SNX29: variants seen among roughly 807,000 people sequenced by gnomAD.
The protein encoded by SNX29 is sorting nexin-29.
SNX29 carries 78 observed loss-of-function variants against 102.1 expected under a neutral mutation model. That is an observed-to-expected ratio of 0.76 (90% CI 0.64 to 0.92). The LOEUF is 0.92. Among genes scored for constraint, SNX29 ranks in the 40% least tolerant of loss-of-function variants. The pLI is 0.00. For missense variants in SNX29, 1,280 were observed against 1,061.7 expected, an observed-to-expected ratio of 1.21 and a Z score of -2.86; for synonymous variants, 580 against 414.5, an observed-to-expected ratio of 1.40 and a Z score of -4.85.
intron 11 of SNX29, among the ~76,000 whole-genome samples, chr16:12,080,518 C>T (rs2051812006): frequency 1.3e-5 from 2 of 152,082 alleles, no homozygotes; most frequent in African/African-American, 4.8e-5. Context: ...GTTACTTACC[C>T]TATAGTTTAC....
chr16:12,446,677 C>G (rs566539711), intron 18 of SNX29, among the ~76,000 whole-genome samples: 2 of 152,128 alleles, frequency 1.3e-5, no homozygotes, highest in African/African-American at 4.8e-5. Flanking sequence ...TGTTGACTTT[C>G]CTCTGTGCCT....
At chr16:12,090,286 T>C (rs1386665399) in intron 11 of SNX29, 2 of 152,322 alleles carry the variant, frequency 1.3e-5, no homozygotes, top group Non-Finnish European at 2.9e-5. Context: ...CGGGCATCCT[T>C]TGTGATTGGA....
At chr16:12,346,851 T>A (rs1247993703) in intron 15 of SNX29, among the ~76,000 whole-genome samples, 1 of 152,184 alleles carries the variant, frequency 6.6e-6, no homozygotes, top group Non-Finnish European at 1.5e-5. Context: ...TAGCAGCTGC[T>A]GCTCTATGAA....
chr16:12,124,918 A>G (rs1004833703), intron 11 of SNX29, among the ~76,000 whole-genome samples: 2 of 152,204 alleles, frequency 1.3e-5, no homozygotes, highest in Non-Finnish European at 2.9e-5. Context: ...TGCAGAGGCC[A>G]CAGTGCAGGA....
At chr16:12,137,006 C>T (rs929214848) in intron 13 of SNX29, among the ~76,000 whole-genome samples, 2 of 152,188 alleles carry the variant, frequency 1.3e-5, no homozygotes, top group Non-Finnish European at 2.9e-5. Flanking sequence ...TCCCAAAGTG[C>T]TGGTATTACA....
At chr16:12,097,394 G>A (rs1456743120) in intron 11 of SNX29, among the ~76,000 whole-genome samples, 1 of 152,212 alleles carries the variant, frequency 6.6e-6, no homozygotes, top group Non-Finnish European at 1.5e-5. Flanking sequence ...GCATTTTGAA[G>A]GGGCTGTATT....
intron 3 of SNX29, among the ~76,000 whole-genome samples, chr16:12,022,717 A>G (rs1053811619): frequency 6.6e-6 from 1 of 152,096 alleles, no homozygotes; most frequent in Admixed American, 6.5e-5. Context: ...TGATAATCCT[A>G]TTGTAGAGTC....
At chr16:12,463,321 A>T (rs1000627627) in intron 18 of SNX29, among the ~76,000 whole-genome samples, 3 of 152,222 alleles carry the variant, frequency 2.0e-5, no homozygotes, top group African/African-American at 7.2e-5. Context: ...CATGCTGCTG[A>T]TAAAGACATA....
At chr16:12,248,575 A>G (rs953560545) in intron 14 of SNX29, among the ~76,000 whole-genome samples, 2 of 151,626 alleles carry the variant, frequency 1.3e-5, no homozygotes, top group Admixed American at 6.6e-5. Context: ...TTTTTAGTAG[A>G]GTAGTAGTTT....
chr16:12,568,860 A>G lies in SNX29; in HGVS notation c.*231A>G. On this transcript the variant is annotated 3_prime_UTR_variant, in exon 21 of 21. Transcript: ENST00000566228. ...CACCTCGCTGGAGAGACTGGGACAC[A>G]CAGTCCTTCTGCTTCTGGGGTCTAC... 1 of 626,108 alleles carries G rather than the reference A, an allele frequency of 1.6e-6. No homozygotes were observed. Among genetic ancestry groups the G allele is most frequent in the Non-Finnish European group, 2.7e-6 (1 of 375,986 alleles). The allele number at this position is 626,108 out of a possible 1,614,324, so 38.8% of individuals were successfully genotyped here. A position where few individuals can be genotyped will look rare whatever the true frequency, so the allele number is the denominator to read the frequency against.
chr16:12,012,216 C>T (rs563368989), intron 3 of SNX29, among the ~76,000 whole-genome samples: 14 of 152,128 alleles, frequency 9.2e-5, no homozygotes, highest in South Asian at 2.1e-4. Flanking sequence ...GGGTTGTTAG[C>T]GGTCAAATAG....
intron 14 of SNX29, among the ~76,000 whole-genome samples, chr16:12,208,305 C>T (rs1033026310): frequency 6.6e-6 from 1 of 152,160 alleles, no homozygotes; most frequent in Admixed American, 6.5e-5. Context: ...GGTGGCTGGT[C>T]GGCCAGCTCT....
intron 17 of SNX29, among the ~76,000 whole-genome samples, chr16:12,399,926 A>G (rs2083875495): frequency 6.6e-6 from 1 of 152,192 alleles, no homozygotes; most frequent in Admixed American, 6.5e-5. Context: ...AGAGAGCCAC[A>G]GAGGGGAGTC....
At chr16:12,562,920 G>C (rs1207709011) in intron 20 of SNX29, among the ~76,000 whole-genome samples, 1 of 152,118 alleles carries the variant, frequency 6.6e-6, no homozygotes, top group Non-Finnish European at 1.5e-5. Context: ...ATTCGTCCAT[G>C]TTGCCAAAAA....
Position 12,080,213 on chromosome 16 carries a change from C to A in SNX29, c.1402+1298C>A, listed in dbSNP as rs529471716. ...CTTGGCTGCAGAGGGGGCAATTGTT[C>A]TTGATAAAAAGGAAATTAGTTTTTG... On this transcript the variant is annotated intron_variant, in intron 11 of 20. Coordinates refer to ENST00000566228, the MANE Select transcript of SNX29 (RefSeq NM_032167.5). Among the ~76,000 whole-genome samples the A allele has an allele frequency of 5.3e-5, 8 of 152,172 alleles. No homozygotes were observed. The South Asian group carries it at 1.2e-3, about 24-fold the overall frequency.
At chr16:12,486,312 A>G (rs1408448734) in intron 19 of SNX29, among the ~76,000 whole-genome samples, 1 of 152,084 alleles carries the variant, frequency 6.6e-6, no homozygotes, top group Non-Finnish European at 1.5e-5. Flanking sequence ...AGGGCCCTTA[A>G]TTTCACCTCC....
intron 13 of SNX29, among the ~76,000 whole-genome samples, chr16:12,190,288 G>C (rs538088347): frequency 6.6e-6 from 1 of 152,202 alleles, no homozygotes; most frequent in South Asian, 2.1e-4. Context: ...ACCACACCGA[G>C]ACTCCATTTC....
intron 18 of SNX29, among the ~76,000 whole-genome samples, chr16:12,408,427 A>G (rs1469328420): frequency 6.6e-6 from 1 of 152,272 alleles, no homozygotes; most frequent in Non-Finnish European, 1.5e-5. Context: ...TTGTCAGAGC[A>G]GTTGCTGGTC....
intron 11 of SNX29, among the ~76,000 whole-genome samples, chr16:12,089,101 AAGAG>A (rs1422469139): frequency 6.8e-6 from 1 of 147,926 alleles, no homozygotes; most frequent in Non-Finnish European, 1.5e-5. Context: ...GAAAGAAAGA[AAGAG>A]AGGAGAGAGA....
Sources: allele counts gnomAD v4.1 joint callset (sites outside exome capture counted in the v4.1 genomes callset), GRCh38; gene constraint gnomAD v4.1.1; transcripts MANE v1.5; gene names NCBI Gene and HGNC (gene_info 2026-07-23, HGNC 2026-07-21).